STON2: variants seen among roughly 807,000 people sequenced by gnomAD.
STON2 encodes the protein stonin 2.
STON2 carries 29 observed loss-of-function variants against 65.7 expected under a neutral mutation model. The observed-to-expected ratio is 0.44, with a 90% CI of 0.33 to 0.60. The LOEUF (loss-of-function observed/expected upper bound fraction) is 0.60. Ranked by LOEUF, STON2 falls within the 20% of genes least tolerant of loss-of-function variation. The pLI, the probability that STON2 is intolerant of heterozygous loss-of-function variation, is 0.03. For missense variants in STON2, 1,054 were observed against 1,118.1 expected, an observed-to-expected ratio of 0.94 and a Z score of 0.82; for synonymous variants, 404 against 414.2, an observed-to-expected ratio of 0.98 and a Z score of 0.30.
At chr14:81,295,580 T>A (rs1245861346) in intron 5 of STON2, among the ~76,000 whole-genome samples, 1 of 152,180 alleles carries the variant, frequency 6.6e-6, no homozygotes, top group Non-Finnish European at 1.5e-5. Context: ...TAGAACATTC[T>A]TGCACCTTTA....
chr14:81,423,114 A>G (rs1053591988), intron 2 of STON2, among the ~76,000 whole-genome samples: 4 of 151,976 alleles, frequency 2.6e-5, no homozygotes, highest in Non-Finnish European at 5.9e-5. Context: ...CTGCAACATG[A>G]CCTTCTATAG....
Position 81,261,807 on chromosome 14 carries a change from G to A in STON2, c.*6607C>T, listed in dbSNP as rs948941077. On this transcript the variant is annotated 3_prime_UTR_variant, in exon 8 of 8. Transcript: ENST00000614646. ...TCACACCATTGTTCTGATAGATGAT[G>A]CCAGTGGAACTTCCAAAGAAGCATT... 51 of 1,529,086 alleles carry A rather than the reference G, an allele frequency of 3.3e-5. No individual in the cohort carries two copies. In the Admixed American group the frequency reaches 3.5e-4, roughly 11 times the overall value. The allele number at this position is 1,529,086 out of a possible 1,614,324, so 94.7% of individuals were successfully genotyped here.
intron 4 of STON2, among the ~76,000 whole-genome samples, chr14:81,340,201 A>AT (rs2140290087): frequency 6.6e-6 from 1 of 152,320 alleles, no homozygotes; most frequent in South Asian, 2.1e-4. Context: ...GGCAAATTAA[A>AT]GAACCCACTC....
intron 2 of STON2, among the ~76,000 whole-genome samples, chr14:81,417,236 C>T (rs979745555): frequency 3.9e-5 from 6 of 152,272 alleles, no homozygotes; most frequent in Non-Finnish European, 8.8e-5. Context: ...ACAAAAACCA[C>T]GTTCTCTTAT....
intron 5 of STON2, among the ~76,000 whole-genome samples, chr14:81,316,399 A>G (rs1896621435): frequency 6.6e-6 from 1 of 152,228 alleles, no homozygotes; most frequent in African/African-American, 2.4e-5. Context: ...TCACATTGTT[A>G]AACACCTTCC....
At chr14:81,279,673 A>AG (rs1895028115) in intron 5 of STON2, among the ~76,000 whole-genome samples, 1 of 152,108 alleles carries the variant, frequency 6.6e-6, no homozygotes, top group South Asian at 2.1e-4. Flanking sequence ...CCTGGGCAAC[A>AG]GAGCGAGACT....
chr14:81,431,688 G>T (rs527314681), intron 1 of STON2, among the ~76,000 whole-genome samples: 3 of 151,678 alleles, frequency 2.0e-5, no homozygotes, highest in South Asian at 4.2e-4. Flanking sequence ...TGAGGCAAGA[G>T]AATTGCTTGA....
At chr14:81,408,381 T>A (rs945200915) in intron 2 of STON2, among the ~76,000 whole-genome samples, 1 of 152,172 alleles carries the variant, frequency 6.6e-6, no homozygotes, top group African/African-American at 2.4e-5. Flanking sequence ...AAGTCAAACA[T>A]GTATGAGAAA....
At chr14:81,315,450 A>T (rs1241758826) in intron 5 of STON2, among the ~76,000 whole-genome samples, 1 of 152,204 alleles carries the variant, frequency 6.6e-6, no homozygotes, top group African/African-American at 2.4e-5. Context: ...GAAACATCAT[A>T]AAAAAAACAG....
Position 81,405,466 on chromosome 14 carries a change from T to G in STON2, c.-198-6886A>C, listed in dbSNP as rs566823646. On this transcript the variant is annotated intron_variant, in intron 2 of 8. Coordinates refer to the STON2 transcript ENST00000553821. Reference sequence around the variant, plus strand: ...TTTGGGATTAGTTACTATTGTTTTTTTTTTTTTTTTGCTTGACTATGGTTT... The same window carrying G: ...TTTGGGATTAGTTACTATTGTTTTTGTTTTTTTTTTGCTTGACTATGGTTT... Among the ~76,000 whole-genome samples the G allele has an allele frequency of 2.0e-5, 3 of 151,308 alleles. No individual in the cohort carries two copies. In the South Asian group the frequency reaches 6.2e-4, roughly 31 times the overall value.
rs1438404962 is a variant in STON2, at chr14:81,278,344, C to T, written c.1138G>A (p.Val380Ile). 1.2e-6 allele frequency: 2 copies of T among 1,614,202 alleles called. No individual in the cohort carries two copies. Among genetic ancestry groups the T allele is most frequent in the East Asian group, 4.5e-5 (2 of 44,878 alleles). ...AAAGGGTTGATAGGGGAGGGCTGTA[C>T]ATCCTGCAGAGTCTCATTCAGGAAA... is the stretch of plus-strand genomic sequence containing the variant. ...NPFLNETLQD[V>I]QPSPINPFSA... The change falls in exon 6 of 8, where the codon GTA becomes ATA. Residue 380 changes from valine to isoleucine, a missense_variant. Coordinates refer to ENST00000614646, the MANE Select transcript of STON2 (RefSeq NM_001394390.1).
chr14:81,385,428 T>C (rs950298511), intron 3 of STON2, among the ~76,000 whole-genome samples: 9 of 152,196 alleles, frequency 5.9e-5, no homozygotes, highest in African/African-American at 2.2e-4. Flanking sequence ...TGTATGTATG[T>C]ATGTGTGTAT....
intron 5 of STON2, among the ~76,000 whole-genome samples, chr14:81,284,189 C>A (rs1447919774): frequency 6.6e-6 from 1 of 152,204 alleles, no homozygotes; most frequent in Non-Finnish European, 1.5e-5. Context: ...AAGAATCCCA[C>A]TATGGCCTCT....
At chr14:81,337,898 A>G (rs192706172) in intron 4 of STON2, among the ~76,000 whole-genome samples, 140 of 152,306 alleles carry the variant, frequency 9.2e-4, no homozygotes, top group African/African-American at 3.3e-3. Context: ...TAGGAGTTCA[A>G]GAACAGTCTG....
chr14:81,420,061 C>T (rs1293251316), intron 2 of STON2, among the ~76,000 whole-genome samples: 1 of 152,182 alleles, frequency 6.6e-6, no homozygotes, highest in East Asian at 1.9e-4. Flanking sequence ...CAACTCCCCA[C>T]ATTTTGGGGG....
chr14:81,270,415 A>G, intron 7 of STON2: 1 of 1,406,440 alleles, frequency 7.1e-7, no homozygotes, highest in Non-Finnish European at 9.2e-7. Flanking sequence ...CATTGCTCAT[A>G]ATGACAGAAA....
At chr14:81,336,926 G>A (rs1193054349) in intron 4 of STON2, among the ~76,000 whole-genome samples, 3 of 152,162 alleles carry the variant, frequency 2.0e-5, no homozygotes, top group Non-Finnish European at 4.4e-5. Flanking sequence ...AGAGAAGAAG[G>A]TGGGAGCTAC....
intron 5 of STON2, among the ~76,000 whole-genome samples, chr14:81,309,876 C>T (rs1172837553): frequency 6.6e-6 from 1 of 152,190 alleles, no homozygotes; most frequent in Non-Finnish European, 1.5e-5. Flanking sequence ...CAGATGACCA[C>T]TCTTACATTT....
chr14:81,398,273 AG>A (rs762050113), intron 2 of STON2, 21 bp downstream of exon 2: 2 of 1,561,978 alleles, frequency 1.3e-6, no homozygotes, highest in East Asian at 4.5e-5. Flanking sequence ...TCTTCACTTT[AG>A]GAAACGAAGG....
Sources: gnomAD v4.1 joint callset for allele counts (sites outside exome capture counted in the v4.1 genomes callset) on GRCh38, gnomAD v4.1.1 for gene constraint, MANE v1.5 for transcripts, NCBI Gene and HGNC (gene_info 2026-07-23, HGNC 2026-07-21) for gene names.